Variants in SYT16 observed in about 807,000 individuals in gnomAD.
The protein encoded by SYT16 is synaptotagmin 16, also known as synaptotagmin-16.
In SYT16, 42 loss-of-function variants were observed where a neutral mutation model predicts 61.4. The observed-to-expected ratio is 0.68, with a 90% CI of 0.53 to 0.89. The LOEUF is 0.89. Among genes scored for constraint, SYT16 ranks in the 40% least tolerant of loss-of-function variants. The pLI is 0.00. For missense variants in SYT16, 804 were observed against 807.3 expected (o/e 1.00, Z 0.05); for synonymous variants, 314 against 302.3 (o/e 1.04, Z -0.40).
chr14:62,063,025 T>G (rs1213618906), intron 3 of SYT16, among the ~76,000 whole-genome samples: 1 of 152,200 alleles, frequency 6.6e-6, no homozygotes, highest in Non-Finnish European at 1.5e-5. Flanking sequence ...TAATTTTGTT[T>G]CCTTAAAAGA....
At chr14:61,963,763 A>G (rs1232960469) in intron 1 of SYT16, among the ~76,000 whole-genome samples, 1 of 152,206 alleles carries the variant, frequency 6.6e-6, no homozygotes, top group Non-Finnish European at 1.5e-5. Context: ...GGAGACGTCA[A>G]TGCCTGGCTT....
intron 1 of SYT16, among the ~76,000 whole-genome samples, chr14:61,882,916 A>G (rs1445045949): frequency 6.6e-6 from 1 of 152,260 alleles, no homozygotes; most frequent in Non-Finnish European, 1.5e-5. Flanking sequence ...TAAAGTTCCA[A>G]AATGATCTCC....
chr14:61,930,804 C>T (rs932027811), intron 1 of SYT16, among the ~76,000 whole-genome samples: 4 of 152,082 alleles, frequency 2.6e-5, no homozygotes, highest in African/African-American at 9.7e-5. Context: ...AAGAACTCCA[C>T]TAGCTGTTGC....
At chr14:61,928,479 T>G (rs910794901) in intron 1 of SYT16, among the ~76,000 whole-genome samples, 25 of 152,340 alleles carry the variant, frequency 1.6e-4, no homozygotes, top group Admixed American at 1.2e-3. Flanking sequence ...GCTTCCTTTT[T>G]GTGTGTCTGA....
chr14:61,974,248 G>A (rs2051689167), intron 2 of SYT16, among the ~76,000 whole-genome samples: 1 of 152,128 alleles, frequency 6.6e-6, no homozygotes. Flanking sequence ...GGGAGTTATT[G>A]CAGCTTACCA....
chr14:61,927,164 A>G (rs772576719), intron 1 of SYT16, among the ~76,000 whole-genome samples: 25 of 152,192 alleles, frequency 1.6e-4, no homozygotes, highest in Non-Finnish European at 3.2e-4. Flanking sequence ...AGTGATTTTT[A>G]GCTTCTGTGA....
chr14:61,956,948 A>T (rs1480204349), intron 1 of SYT16, among the ~76,000 whole-genome samples: 1 of 151,700 alleles, frequency 6.6e-6, no homozygotes, highest in Non-Finnish European at 1.5e-5. Flanking sequence ...TGATCATGGG[A>T]TGTCTTTCCA....
intron 1 of SYT16, among the ~76,000 whole-genome samples, chr14:61,919,385 T>A (rs187274063): frequency 6.6e-6 from 1 of 152,346 alleles, no homozygotes; most frequent in East Asian, 1.9e-4. Flanking sequence ...TACACAAATT[T>A]ATTATCATGC....
chr14:61,829,890 G>A (rs1363156453), intron 1 of SYT16, among the ~76,000 whole-genome samples: 1 of 151,928 alleles, frequency 6.6e-6, no homozygotes, highest in Non-Finnish European at 1.5e-5. Flanking sequence ...TCCTGACCTC[G>A]TGATCCACCT....
chr14:61,903,325 C>G (rs533343723), intron 1 of SYT16, among the ~76,000 whole-genome samples: 15 of 151,464 alleles, frequency 9.9e-5, no homozygotes, highest in African/African-American at 3.6e-4. Context: ...ATTTTGTAAC[C>G]TTTTGTAAAT....
chr14:62,007,581 G>A (rs1184648376), intron 3 of SYT16, among the ~76,000 whole-genome samples: 3 of 151,978 alleles, frequency 2.0e-5, no homozygotes, highest in South Asian at 2.1e-4. Flanking sequence ...CCATTGTTAC[G>A]TATTTTGCAG....
intron 3 of SYT16, among the ~76,000 whole-genome samples, chr14:62,042,203 A>G (rs747130209): frequency 2.0e-5 from 3 of 151,618 alleles, no homozygotes; most frequent in Admixed American, 6.6e-5. Flanking sequence ...GGATCTTGCT[A>G]TGTTGACCAG....
At chr14:61,971,773 C>T (rs559196545) in intron 2 of SYT16, among the ~76,000 whole-genome samples, 25 of 152,306 alleles carry the variant, frequency 1.6e-4, no homozygotes, top group African/African-American at 5.5e-4. Context: ...TTCCTGCTAT[C>T]GCAGTGGCCT....
intron 1 of SYT16, among the ~76,000 whole-genome samples, chr14:61,884,310 A>C (rs191706929): frequency 3.0e-4 from 46 of 152,338 alleles, no homozygotes; most frequent in Admixed American, 1.9e-3. Context: ...TAAAAACATA[A>C]AAAAGAAAAC....
At chr14:61,831,597 A>G (rs1182380897) in intron 1 of SYT16, among the ~76,000 whole-genome samples, 1 of 152,108 alleles carries the variant, frequency 6.6e-6, no homozygotes, top group African/African-American at 2.4e-5. Flanking sequence ...ATGCTGAAGC[A>G]TCTCTTTCTG....
At chr14:61,842,443 T>A (rs1199833600) in intron 1 of SYT16, among the ~76,000 whole-genome samples, 1 of 152,210 alleles carries the variant, frequency 6.6e-6, no homozygotes, top group African/African-American at 2.4e-5. Flanking sequence ...TTTCTGTGCC[T>A]GGTTTATTTC....
intron 3 of SYT16, among the ~76,000 whole-genome samples, chr14:62,059,531 G>A (rs992777810): frequency 6.6e-5 from 10 of 151,690 alleles, no homozygotes; most frequent in Middle Eastern, 3.2e-3. Flanking sequence ...GTCCAACTTA[G>A]CAATTTTTTT....
intron 1 of SYT16, among the ~76,000 whole-genome samples, chr14:61,825,103 C>G (rs921780835): frequency 1.2e-4 from 18 of 152,168 alleles, no homozygotes; most frequent in Non-Finnish European, 5.9e-5. Context: ...TATTCTGGAA[C>G]AAATCCTCCA....
intron 3 of SYT16, among the ~76,000 whole-genome samples, chr14:62,025,163 A>G (rs1428862585): frequency 1.3e-5 from 2 of 152,154 alleles, no homozygotes; most frequent in Non-Finnish European, 2.9e-5. Context: ...GTTGTATCAT[A>G]TAGTGAAATC....
Sources: gnomAD v4.1 joint callset for allele counts (sites outside exome capture counted in the v4.1 genomes callset) on GRCh38, gnomAD v4.1.1 for gene constraint, MANE v1.5 for transcripts, NCBI Gene and HGNC (gene_info 2026-07-23, HGNC 2026-07-21) for gene names.